The following CNTN5 variants were observed in gnomAD, a reference collection of about 807,000 sequenced individuals.
CNTN5 encodes contactin 5.
A neutral mutation model predicts 129.1 loss-of-function variants in CNTN5; 77 were observed. The observed-to-expected ratio is 0.60, with a 90% CI of 0.50 to 0.72. The LOEUF (loss-of-function observed/expected upper bound fraction) is 0.72, where lower values mean the gene tolerates loss of function less well. Ranked by LOEUF, CNTN5 falls within the 30% of genes least tolerant of loss-of-function variation. CNTN5 has a pLI of 0.00. For synonymous variants in CNTN5, 509 were observed against 465.6 expected (o/e 1.09, Z -1.20); for missense variants, 1,478 against 1,328.8 (o/e 1.11, Z -1.75).
intron 1 of CNTN5, among the ~76,000 whole-genome samples, chr11:99,213,986 A>AT (rs1290616009): frequency 1.3e-5 from 2 of 152,120 alleles, no homozygotes; most frequent in African/African-American, 4.8e-5. Context: ...ACTATGTGTC[A>AT]TTTTCTCTAC....
At chr11:99,219,635 G>T (rs1393309991) in intron 1 of CNTN5, among the ~76,000 whole-genome samples, 5 of 148,298 alleles carry the variant, frequency 3.4e-5, no homozygotes, top group Non-Finnish European at 5.9e-5. Flanking sequence ...CCATGGCAAA[G>T]ACTTTTTTGT....
chr11:100,352,289 G>A (rs963027045), intron 24 of CNTN5, among the ~76,000 whole-genome samples: 2 of 151,490 alleles, frequency 1.3e-5, no homozygotes, highest in Non-Finnish European at 3.0e-5. Context: ...TACAGGATAA[G>A]GAACATTATT....
chr11:99,656,576 T>G (rs1162658585), intron 3 of CNTN5, among the ~76,000 whole-genome samples: 2 of 152,128 alleles, frequency 1.3e-5, no homozygotes, highest in African/African-American at 4.8e-5. Context: ...CATGCACTAG[T>G]TAATGGACCT....
intron 13 of CNTN5, among the ~76,000 whole-genome samples, chr11:100,178,449 G>A (rs920395130): frequency 6.6e-6 from 1 of 152,070 alleles, no homozygotes; most frequent in Admixed American, 6.6e-5. Flanking sequence ...TTCCTTCTGA[G>A]CTACACTAGA....
chr11:99,235,046 CT>C (rs746821510), intron 1 of CNTN5, among the ~76,000 whole-genome samples: 68 of 53,802 alleles, frequency 1.3e-3, no homozygotes, highest in Middle Eastern at 0.011. Flanking sequence ...GAAACCTACC[CT>C]TTTTCTTTTT....
At chr11:99,522,338 T>G (rs1947303631) in intron 2 of CNTN5, among the ~76,000 whole-genome samples, 1 of 152,180 alleles carries the variant, frequency 6.6e-6, no homozygotes, top group Non-Finnish European at 1.5e-5. Flanking sequence ...ATTTTCATCA[T>G]TAATTGAGGT....
intron 3 of CNTN5, among the ~76,000 whole-genome samples, chr11:99,628,271 C>T (rs1951203303): frequency 6.6e-6 from 1 of 151,888 alleles, no homozygotes; most frequent in Admixed American, 6.6e-5. Context: ...AATTTCATTA[C>T]CTATGCATTG....
chr11:99,819,236 CT>C (rs1946691428), intron 3 of CNTN5, among the ~76,000 whole-genome samples: 1 of 144,886 alleles, frequency 6.9e-6, no homozygotes, highest in Non-Finnish European at 1.5e-5. Context: ...TTACCTCTCT[CT>C]CTCTACTTGC....
intron 12 of CNTN5, among the ~76,000 whole-genome samples, chr11:100,072,269 T>C (rs916215199): frequency 2.6e-5 from 4 of 152,138 alleles, no homozygotes; most frequent in Non-Finnish European, 5.9e-5. Context: ...AAAGCAAGAC[T>C]CCAGGCTAAA....
chr11:99,164,528 T>C (rs548632381), intron 1 of CNTN5, among the ~76,000 whole-genome samples: 31 of 152,294 alleles, frequency 2.0e-4, no homozygotes, highest in Non-Finnish European at 4.1e-4. Context: ...CCTTCATGTA[T>C]CATATAGTTA....
At chr11:100,343,481 T>C (rs572543335) in intron 23 of CNTN5, among the ~76,000 whole-genome samples, 7 of 152,218 alleles carry the variant, frequency 4.6e-5, no homozygotes, top group African/African-American at 1.7e-4. Context: ...GAAAGGGGAC[T>C]TCAGACTGGA....
intron 9 of CNTN5, among the ~76,000 whole-genome samples, chr11:100,029,790 T>G (rs77837329): frequency 0.1 from 15,670 of 152,106 alleles, 905 homozygotes; most frequent in Middle Eastern, 0.24. Flanking sequence ...AATAATTAAG[T>G]TTAATTTTAA....
intron 2 of CNTN5, among the ~76,000 whole-genome samples, chr11:99,347,289 C>G (rs1317295401): frequency 6.6e-6 from 1 of 152,004 alleles, no homozygotes; most frequent in Non-Finnish European, 1.5e-5. Flanking sequence ...TATACTAGCA[C>G]AAAAAGATTA....
intron 17 of CNTN5, among the ~76,000 whole-genome samples, chr11:100,262,334 T>G (rs1205627800): frequency 6.6e-6 from 1 of 152,190 alleles, no homozygotes; most frequent in African/African-American, 2.4e-5. Flanking sequence ...ACTTTTACAC[T>G]GTTGATGGGA....
intron 8 of CNTN5, among the ~76,000 whole-genome samples, chr11:99,981,095 TATATATATAC>T (rs779077222): frequency 4.1e-4 from 36 of 87,714 alleles, no homozygotes; most frequent in Middle Eastern, 6.5e-3. Flanking sequence ...TATATATATA[TATATATATAC>T]ACACACACAC....
chr11:99,895,946 C>G (rs1191015556), intron 6 of CNTN5, among the ~76,000 whole-genome samples: 3 of 152,162 alleles, frequency 2.0e-5, no homozygotes, highest in Non-Finnish European at 2.9e-5. Context: ...TGCGTAAGTC[C>G]TTGCCTCTGC....
chr11:99,297,132 C>T (rs1312301885), intron 1 of CNTN5, among the ~76,000 whole-genome samples: 3 of 152,152 alleles, frequency 2.0e-5, no homozygotes, highest in African/African-American at 7.2e-5. Flanking sequence ...ATGACATAAA[C>T]CCTAACATTT....
At chr11:99,575,818 C>T (rs1455123363) in intron 3 of CNTN5, among the ~76,000 whole-genome samples, 7 of 152,060 alleles carry the variant, frequency 4.6e-5, no homozygotes, top group Non-Finnish European at 8.8e-5. Flanking sequence ...AGGTAGTCTC[C>T]CCAGGGGTGG....
intron 3 of CNTN5, among the ~76,000 whole-genome samples, chr11:99,625,994 G>A (rs1951118081): frequency 6.6e-6 from 1 of 151,268 alleles, no homozygotes; most frequent in African/African-American, 2.4e-5. Flanking sequence ...ACACATAAAA[G>A]GAGATCAAAG....
Sources: gnomAD v4.1 joint callset for allele counts (sites outside exome capture counted in the v4.1 genomes callset) on GRCh38, gnomAD v4.1.1 for gene constraint, MANE v1.5 for transcripts, NCBI Gene and HGNC (gene_info 2026-07-23, HGNC 2026-07-21) for gene names.